The following LIN52 variants were observed in gnomAD, a reference collection of about 807,000 sequenced individuals.
LIN52 encodes the protein lin-52 DREAM MuvB core complex component.
A neutral mutation model predicts 18.5 loss-of-function variants in LIN52; 4 were observed. That is an observed-to-expected ratio of 0.22 (90% CI 0.11 to 0.49). The LOEUF is 0.49. Among genes scored for constraint, LIN52 ranks in the 20% least tolerant of loss-of-function variants. The pLI is 0.97. For missense variants in LIN52, 102 were observed against 139.5 expected (o/e 0.73, Z 1.35); for synonymous variants, 34 against 45.5 (o/e 0.75, Z 1.02).
chr14:74,150,718 A>C (rs1379567897), intron 5 of LIN52, among the ~76,000 whole-genome samples: 1 of 152,236 alleles, frequency 6.6e-6, no homozygotes, highest in Non-Finnish European at 1.5e-5. Context: ...ATGAAAATGA[A>C]TACACTCTAA....
intron 5 of LIN52, among the ~76,000 whole-genome samples, chr14:74,158,862 ATGCT>A (rs2061212168): frequency 6.6e-6 from 1 of 152,262 alleles, no homozygotes; most frequent in South Asian, 2.1e-4. Flanking sequence ...ATAATTTTGA[ATGCT>A]ATTACTCAAA....
chr14:74,168,465 G>A (rs1379955137), intron 5 of LIN52, among the ~76,000 whole-genome samples: 2 of 151,780 alleles, frequency 1.3e-5, no homozygotes, highest in Admixed American at 1.3e-4. Flanking sequence ...TCAGGAGATC[G>A]AGACCATCCT....
At chr14:74,089,082 A>G (rs1405775828) in intron 1 of LIN52, among the ~76,000 whole-genome samples, 1 of 151,978 alleles carries the variant, frequency 6.6e-6, no homozygotes, top group African/African-American at 2.4e-5. Context: ...TGTGAAGGGG[A>G]AAGGGTAAGA....
chr14:74,183,324 C>T (rs1466966973), intron 5 of LIN52, among the ~76,000 whole-genome samples: 2 of 152,132 alleles, frequency 1.3e-5, no homozygotes, highest in Non-Finnish European at 2.9e-5. Flanking sequence ...TGGTCTCGAT[C>T]TCCTGACCTC....
chr14:74,140,627 A>G (rs1193101095), intron 5 of LIN52, among the ~76,000 whole-genome samples: 1 of 152,210 alleles, frequency 6.6e-6, no homozygotes, highest in East Asian at 1.9e-4. Flanking sequence ...GTCCGTCACG[A>G]AAAGGGAAAT....
At chr14:74,153,733 G>A (rs1020009893) in intron 5 of LIN52, among the ~76,000 whole-genome samples, 8 of 151,912 alleles carry the variant, frequency 5.3e-5, no homozygotes, top group East Asian at 1.9e-4. Context: ...TAGTAGAGAC[G>A]GAGTTTCACC....
intron 1 of LIN52, 122 bp from the exon 2 acceptor site, chr14:74,091,110 T>A: frequency 1.6e-6 from 1 of 610,842 alleles, no homozygotes. Context: ...GCATCAATAG[T>A]TACAGAACTC....
intron 5 of LIN52, among the ~76,000 whole-genome samples, chr14:74,177,651 C>A (rs1048342955): frequency 1.3e-5 from 2 of 152,118 alleles, no homozygotes; most frequent in African/African-American, 4.8e-5. Context: ...TATTTTATAT[C>A]TTGAGCTAGG....
chr14:74,170,862 A>C (rs1460932316), intron 5 of LIN52, among the ~76,000 whole-genome samples: 1 of 107,576 alleles, frequency 9.3e-6, no homozygotes, highest in African/African-American at 3.1e-5. Context: ...AGTTAGGTAC[A>C]GGCCAGAAAA....
intron 5 of LIN52, among the ~76,000 whole-genome samples, chr14:74,167,950 G>A (rs149812790): frequency 7.3e-6 from 1 of 136,948 alleles, no homozygotes; most frequent in East Asian, 2.2e-4. Context: ...ACAATGAGAA[G>A]TTAGAGAGAA....
At position 74,158,639 on chromosome 14, in the gene LIN52, C is replaced by T. The variant is rs59884886; in HGVS notation, c.284-40283C>T. Reference sequence around the variant, plus strand: ...GATTACAGGCATGTGCCACCACGCCCGGCTAATTTTGTATTTTTAGTAGAG... The same window carrying T: ...GATTACAGGCATGTGCCACCACGCCTGGCTAATTTTGTATTTTTAGTAGAG... On this transcript the variant is annotated intron_variant, in intron 5 of 5. Transcript: ENST00000555028. Among the ~76,000 whole-genome samples, 539 of 152,004 alleles carry T rather than the reference C, an allele frequency of 3.5e-3. 3 individuals carry two copies. The highest frequency in any genetic ancestry group is 0.012 in the African/African-American group (509 of 41,478).
At chr14:74,140,402 T>C (rs1196464064) in intron 5 of LIN52, among the ~76,000 whole-genome samples, 1 of 152,254 alleles carries the variant, frequency 6.6e-6, no homozygotes, top group African/African-American at 2.4e-5. Context: ...ACCGGGGCTC[T>C]ATGACAATAT....
rs1956410041 is a variant in LIN52, at chr14:74,199,386, A to AAC, written c.*409_*410insAC. 2.5e-5 allele frequency: 4 copies of AAC among 161,464 alleles called. No individual in the cohort carries two copies. In the Admixed American group the frequency reaches 2.5e-4, roughly 10 times the overall value. The allele number at this position is 161,464 out of a possible 1,614,324, so 10.0% of individuals were successfully genotyped here. ...GATGGGTTCTTTTGAATTGTTCTTG[A>AAC]TCTCTTAGAAAGTGTTTACGATGTG... On this transcript the variant is annotated 3_prime_UTR_variant, in exon 6 of 6. Transcript: ENST00000555028.
chr14:74,195,548 GTGTGTGTA>G (rs1418821637), intron 5 of LIN52, among the ~76,000 whole-genome samples: 1 of 56,034 alleles, frequency 1.8e-5, no homozygotes, highest in African/African-American at 6.5e-5. Flanking sequence ...GTGTGGGTGT[GTGTGTGTA>G]TGTGTGTGTG....
intron 5 of LIN52, among the ~76,000 whole-genome samples, chr14:74,165,117 T>C (rs75410415): frequency 0.042 from 6,395 of 152,232 alleles, 203 homozygotes; most frequent in Non-Finnish European, 0.063. Context: ...GGAAAAGTAA[T>C]CATAGTTAAT....
intron 5 of LIN52, among the ~76,000 whole-genome samples, chr14:74,160,212 A>G (rs1473954934): frequency 1.3e-5 from 2 of 152,210 alleles, no homozygotes; most frequent in African/African-American, 4.8e-5. Flanking sequence ...GAGGGAAGAC[A>G]GTGAAAAGAG....
chr14:74,186,574 G>A (rs1052562772), intron 5 of LIN52, among the ~76,000 whole-genome samples: 2 of 152,100 alleles, frequency 1.3e-5, no homozygotes, highest in African/African-American at 4.8e-5. Context: ...GTTCAAGGCT[G>A]CAGTGAGCCA....
At chr14:74,177,741 T>C (rs2061300182) in intron 5 of LIN52, among the ~76,000 whole-genome samples, 1 of 152,202 alleles carries the variant, frequency 6.6e-6, no homozygotes, top group Middle Eastern at 3.2e-3. Context: ...TGACAGCAAT[T>C]GGTCATACCT....
At chr14:74,130,061 C>T (rs1018484087) in intron 5 of LIN52, among the ~76,000 whole-genome samples, 1 of 151,922 alleles carries the variant, frequency 6.6e-6, no homozygotes, top group African/African-American at 2.4e-5. Context: ...CATGCAGACC[C>T]ACTTGCTATC....
Sources: allele counts gnomAD v4.1 joint callset (sites outside exome capture counted in the v4.1 genomes callset), GRCh38; gene constraint gnomAD v4.1.1; transcripts MANE v1.5; gene names NCBI Gene and HGNC (gene_info 2026-07-23, HGNC 2026-07-21).